The following CCSER1 variants were observed in gnomAD, a reference collection of about 807,000 sequenced individuals.
CCSER1 encodes serine-rich coiled-coil domain-containing protein 1.
CCSER1 carries 41 observed loss-of-function variants against 82.0 expected under a neutral mutation model. The observed-to-expected ratio is 0.50, with a 90% CI of 0.39 to 0.65. CCSER1 has a LOEUF of 0.65. Among genes scored for constraint, CCSER1 ranks in the 30% least tolerant of loss-of-function variants. The probability of loss-of-function intolerance (pLI) is 0.00; values close to 1 mark genes in which losing one functional copy is unlikely to be tolerated. For missense variants in CCSER1, 1,119 were observed against 1,064.2 expected (o/e 1.05, Z -0.72); for synonymous variants, 414 against 383.9 (o/e 1.08, Z -0.92).
chr4:90,628,118 T>C lies in CCSER1; in HGVS notation c.1818T>C (p.Pro606=). Residue 606 remains proline, a synonymous_variant, in exon 6 of 11, where the codon CCT becomes CCC. Coordinates refer to ENST00000509176, the MANE Select transcript of CCSER1 (RefSeq NM_001145065.2). The stretch of plus-strand genomic sequence containing the variant: ...CCAACAGTCCATCTGCGGATTGGCC[T>C]CTACAAGGTGTGGAAGAAAACGGAG... The part of the protein sequence containing the change: ...RMPNSPSADW[P]LQGVEENGGI... 1.2e-6 allele frequency: 2 copies of C among 1,613,750 alleles called. No individual in the cohort carries two copies. The highest frequency in any genetic ancestry group is 1.7e-6 in the Non-Finnish European group (2 of 1,179,734).
At chr4:91,009,010 G>A (rs777179935) in intron 9 of CCSER1, among the ~76,000 whole-genome samples, 1 of 152,192 alleles carries the variant, frequency 6.6e-6, no homozygotes, top group Non-Finnish European at 1.5e-5. Flanking sequence ...AGGAACAATG[G>A]TAAGCCTTTA....
At chr4:90,581,465 G>T (rs936868375) in intron 5 of CCSER1, among the ~76,000 whole-genome samples, 3 of 152,020 alleles carry the variant, frequency 2.0e-5, no homozygotes, top group African/African-American at 7.2e-5. Flanking sequence ...GTTTGATTAC[G>T]TTCTACTTAA....
chr4:91,190,857 G>T (rs1734934461), intron 10 of CCSER1, among the ~76,000 whole-genome samples: 1 of 152,066 alleles, frequency 6.6e-6, no homozygotes, highest in African/African-American at 2.4e-5. Flanking sequence ...AAGGAATCTT[G>T]GAATTAGGTA....
Position 91,371,410 on chromosome 4 carries a change from T to C in CCSER1, c.2218-227162T>C, listed in dbSNP as rs575407267. Among the ~76,000 whole-genome samples the C allele has an allele frequency of 7.0e-4, 106 of 152,316 alleles. No individual in the cohort carries two copies. The Middle Eastern group carries it at 0.01, about 15-fold the overall frequency. ...AGCTCCCATAAATGAATGCAAATATTTGAAGTTTTCTTTTTTTCTATTTTT... is the reference window on the plus strand; with the variant it reads ...AGCTCCCATAAATGAATGCAAATATCTGAAGTTTTCTTTTTTTCTATTTTT... On this transcript the variant is annotated intron_variant, in intron 10 of 10. Coordinates refer to ENST00000509176, the MANE Select transcript of CCSER1 (RefSeq NM_001145065.2).
intron 10 of CCSER1, among the ~76,000 whole-genome samples, chr4:91,494,351 C>T (rs139403572): frequency 7.5e-4 from 114 of 151,770 alleles, no homozygotes; most frequent in African/African-American, 2.5e-3. Context: ...TCTCTCCATG[C>T]GATTTCTGCT....
chr4:90,322,538 T>C (rs1030540484), intron 3 of CCSER1, among the ~76,000 whole-genome samples: 4 of 152,212 alleles, frequency 2.6e-5, no homozygotes, highest in Non-Finnish European at 4.4e-5. Flanking sequence ...TATTTTGATA[T>C]GGATTGCATT....
intron 9 of CCSER1, among the ~76,000 whole-genome samples, chr4:90,941,735 A>T (rs974408174): frequency 6.6e-6 from 1 of 152,306 alleles, no homozygotes; most frequent in East Asian, 1.9e-4. Context: ...CCAATATTAT[A>T]TGCTGGCACC....
chr4:91,568,127 AAT>A (rs760091260), intron 10 of CCSER1, among the ~76,000 whole-genome samples: 3 of 152,018 alleles, frequency 2.0e-5, no homozygotes, highest in Non-Finnish European at 4.4e-5. Context: ...CTGAGTATAA[AAT>A]TTTTGGTTGA....
At chr4:91,584,330 A>G (rs1202025123) in intron 10 of CCSER1, among the ~76,000 whole-genome samples, 1 of 151,540 alleles carries the variant, frequency 6.6e-6, no homozygotes, top group Admixed American at 6.6e-5. Context: ...TAGATTGTCT[A>G]TGAAGAGGCA....
chr4:90,377,567 C>T (rs974212664), intron 3 of CCSER1, among the ~76,000 whole-genome samples: 2 of 152,060 alleles, frequency 1.3e-5, no homozygotes, highest in Non-Finnish European at 2.9e-5. Flanking sequence ...AGTAGCACAT[C>T]AAAATCTATT....
intron 1 of CCSER1, among the ~76,000 whole-genome samples, chr4:90,267,896 T>C (rs1469181195): frequency 5.3e-5 from 8 of 152,132 alleles, no homozygotes; most frequent in African/African-American, 1.7e-4. Context: ...AAGCACAGAT[T>C]GCAAGGGAAT....
chr4:90,887,990 G>C (rs962693521), intron 8 of CCSER1, among the ~76,000 whole-genome samples: 1 of 152,112 alleles, frequency 6.6e-6, no homozygotes, highest in Non-Finnish European at 1.5e-5. Flanking sequence ...AAAATGTAGT[G>C]GGTGCAACGG....
intron 10 of CCSER1, among the ~76,000 whole-genome samples, chr4:91,476,017 A>G (rs1359168639): frequency 2.0e-5 from 3 of 151,744 alleles, no homozygotes; most frequent in African/African-American, 7.2e-5. Flanking sequence ...GTGTATGACA[A>G]TATTTTCTTA....
intron 10 of CCSER1, among the ~76,000 whole-genome samples, chr4:91,433,676 G>T (rs1178175175): frequency 6.6e-6 from 1 of 152,194 alleles, no homozygotes; most frequent in East Asian, 1.9e-4. Context: ...GCAATGGGCT[G>T]TACCATAGAG....
At position 91,137,789 on chromosome 4, in the gene CCSER1, C is replaced by T. The variant is rs1311283084; in HGVS notation, c.2217+51795C>T. On this transcript the variant is annotated intron_variant, in intron 10 of 10. Transcript: ENST00000509176. Reference sequence around the variant, plus strand: ...AATCACAAGCATTCTTATACACCAACAACAGACAAACAGAGAGCCAAATCA... The same window carrying T: ...AATCACAAGCATTCTTATACACCAATAACAGACAAACAGAGAGCCAAATCA... Among the ~76,000 whole-genome samples, 3 of 151,834 alleles carry T rather than the reference C, an allele frequency of 2.0e-5. No homozygotes were observed. In the East Asian group the frequency reaches 5.8e-4, roughly 30 times the overall value.
intron 4 of CCSER1, among the ~76,000 whole-genome samples, chr4:90,426,870 A>G (rs1425439163): frequency 1.3e-5 from 2 of 152,106 alleles, no homozygotes; most frequent in East Asian, 3.9e-4. Flanking sequence ...CTTTATTTCT[A>G]CTAGAATAGG....
chr4:91,317,280 C>T (rs1745900457), intron 10 of CCSER1, among the ~76,000 whole-genome samples: 1 of 151,986 alleles, frequency 6.6e-6, no homozygotes, highest in African/African-American at 2.4e-5. Flanking sequence ...CCAGACTGGC[C>T]TGTTTGCTAT....
At chr4:90,379,180 C>T (rs1334568401) in intron 3 of CCSER1, among the ~76,000 whole-genome samples, 1 of 152,150 alleles carries the variant, frequency 6.6e-6, no homozygotes, top group Non-Finnish European at 1.5e-5. Flanking sequence ...TCCGGCAGCT[C>T]TTCAGGACTG....
At chr4:91,361,968 CA>C (rs1172297507) in intron 10 of CCSER1, among the ~76,000 whole-genome samples, 1 of 151,596 alleles carries the variant, frequency 6.6e-6, no homozygotes, top group East Asian at 1.9e-4. Flanking sequence ...ATCTTGGTTA[CA>C]AAAAACCTCT....
Sources: gnomAD v4.1 joint callset for allele counts (sites outside exome capture counted in the v4.1 genomes callset) on GRCh38, gnomAD v4.1.1 for gene constraint, MANE v1.5 for transcripts, NCBI Gene and HGNC (gene_info 2026-07-23, HGNC 2026-07-21) for gene names.